The following NOTCH2 variants were observed in gnomAD, a reference collection of about 807,000 sequenced individuals.
NOTCH2 encodes the protein neurogenic locus notch homolog protein 2.
A neutral mutation model predicts 235.8 loss-of-function variants in NOTCH2; 29 were observed. That is an observed-to-expected ratio of 0.12 (90% CI 0.09 to 0.17). The LOEUF is 0.17. Among genes scored for constraint, NOTCH2 ranks in the 10% least tolerant of loss-of-function variants. The pLI is 1.00. For missense variants in NOTCH2, 2,285 were observed against 3,150.2 expected (o/e 0.73, Z 6.57); for synonymous variants, 1,086 against 1,141.5 (o/e 0.95, Z 0.98).
intron 14 of NOTCH2, among the ~76,000 whole-genome samples, chr1:119,952,975 G>A (rs1650538484): frequency 6.6e-6 from 1 of 152,052 alleles, no homozygotes. Flanking sequence ...TTAGACACTT[G>A]GCCAATGCTG....
At chr1:119,967,950 C>A in intron 7 of NOTCH2, 127 bp downstream of exon 7, 4 of 1,034,556 alleles carry the variant, frequency 3.9e-6, no homozygotes, top group Middle Eastern at 2.0e-4. Flanking sequence ...AAACACTGGC[C>A]ATGTAGCAAG....
At chr1:119,922,894 A>G in intron 26 of NOTCH2, 116 bp from the exon 27 acceptor site, 5 of 1,276,900 alleles carry the variant, frequency 3.9e-6, no homozygotes, top group Non-Finnish European at 5.6e-6. Flanking sequence ...CCCCTTCAGC[A>G]TCAGGTCCCC....
rs782728467 is a variant in NOTCH2, at chr1:119,937,860, T to C, written c.3334A>G (p.Arg1112Gly). 1.2e-6 allele frequency: 2 copies of C among 1,614,024 alleles called. No homozygotes were observed. The highest frequency in any genetic ancestry group is 2.7e-5 in the African/African-American group (2 of 74,896). The change falls in exon 20 of 34, where the codon AGA becomes GGA. Residue 1112 changes from arginine (R) to glycine (G), a missense_variant. Arg to Gly is a moderately radical substitution (Grantham distance 125). Transcript: ENST00000256646. The part of the protein sequence containing the change: ...NVSCDIAASR[R>G]GVLVEHLCQH... The stretch of plus-strand genomic sequence containing the variant: ...AGCCCAAGGGAGCAAAGCTTACCTC[T>C]CCTGGAGGCTGCTATGTCACAAGAG...
chr1:119,975,628 G>C (rs1651546106), intron 5 of NOTCH2, among the ~76,000 whole-genome samples: 1 of 134,632 alleles, frequency 7.4e-6, no homozygotes, highest in Admixed American at 8.6e-5. Flanking sequence ...CCTGGCGACA[G>C]AGCAAGACTC....
At chr1:119,972,117 GGAGGGAGGAAGGTAAGA>G (rs1478561063) in intron 5 of NOTCH2, among the ~76,000 whole-genome samples, 34 of 151,784 alleles carry the variant, frequency 2.2e-4, no homozygotes, top group African/African-American at 7.0e-4. Context: ...GGTGAGAAAG[GGAGGGAGGAAGGTAAGA>G]AAGGGAGGGA....
At chr1:120,037,261 T>C (rs2746812) in intron 1 of NOTCH2, among the ~76,000 whole-genome samples, 2,043 of 144,738 alleles carry the variant, frequency 0.014, 50 homozygotes, top group African/African-American at 0.053. Flanking sequence ...TTTTCTTCAA[T>C]GTTTATGCAA....
At position 119,919,216 on chromosome 1, in the gene NOTCH2, TGA is replaced by T. The variant is rs1649189682; in HGVS notation, c.5781+94_5781+95del. 7.6e-6 allele frequency: 10 copies of T among 1,314,158 alleles called. No homozygotes were observed. The East Asian group carries it at 2.4e-4, about 31-fold the overall frequency. 81.4% of individuals were successfully genotyped at this position (1,314,158 alleles called of 1,614,324 possible). On this transcript the variant is annotated intron_variant, in intron 31 of 33. Coordinates refer to ENST00000256646, the MANE Select transcript of NOTCH2 (RefSeq NM_024408.4). The stretch of plus-strand genomic sequence containing the variant: ...TACCTGCCCTAATCTCTCAAATGAT[TGA>T]ATAAATTCAATGAGATATTAATTCT...
At chr1:120,042,149 C>CTTCA (rs1264000606) in intron 1 of NOTCH2, among the ~76,000 whole-genome samples, 2 of 101,948 alleles carry the variant, frequency 2.0e-5, no homozygotes, top group East Asian at 4.8e-4. Flanking sequence ...CTCCACCTAG[C>CTTCA]TTCAGCCCAG....
chr1:119,963,645 G>C lies in NOTCH2; in HGVS notation c.1844C>G (p.Pro615Arg), dbSNP rs782651058. 6.2e-7 allele frequency: 1 copy of C among 1,614,154 alleles called. No individual in the cohort carries two copies. The highest frequency in any genetic ancestry group is 8.5e-7 in the Non-Finnish European group (1 of 1,180,004). Residue 615 changes from proline (P) to arginine (R), a missense_variant, in exon 11 of 34, where the codon CCT becomes CGT. By Grantham distance (103) the Pro-to-Arg change is moderately radical. Transcript: ENST00000256646. ...SDQIDECYSS[P>R]CLNDGRCIDL... ...AATGCAGCGACCATCGTTCAGGCAA[G>C]GGCTGCTGTAACATTCATCAATCTG... is the stretch of plus-strand genomic sequence containing the variant.
intron 31 of NOTCH2, 84 bp downstream of exon 31, chr1:119,919,228 A>T: frequency 7.5e-7 from 1 of 1,338,214 alleles, no homozygotes. Context: ...AATAAATTCA[A>T]TGAGATATTA....
At chr1:120,010,290 T>C (rs1653135569) in intron 2 of NOTCH2, among the ~76,000 whole-genome samples, 1 of 152,190 alleles carries the variant, frequency 6.6e-6, no homozygotes, top group Non-Finnish European at 1.5e-5. Flanking sequence ...CAGCCATCCT[T>C]GGAATAACAG....
intron 12 of NOTCH2, among the ~76,000 whole-genome samples, chr1:119,957,282 G>A (rs587687415): frequency 2.6e-5 from 4 of 152,266 alleles, no homozygotes; most frequent in South Asian, 4.1e-4. Context: ...TTTGTTAAAC[G>A]GGTATAGTAG....
Position 119,969,681 on chromosome 1 carries a change from C to A in NOTCH2, c.938G>T (p.Gly313Val). The change falls in exon 6 of 34, where the codon GGC becomes GTC. Residue 313 changes from glycine to valine, a missense_variant. Gly to Val is a moderately radical substitution (Grantham distance 109). Transcript: ENST00000256646. ...LLQPNACQNG[G>V]TCANRNGGYG... ...GCCTCCATTGCGGTTGGCACAGGTGCCCCCATTTTGACAGGCATTGGGCTG... is the reference window on the plus strand; with the variant it reads ...GCCTCCATTGCGGTTGGCACAGGTGACCCCATTTTGACAGGCATTGGGCTG... 1 of 1,614,122 alleles carries A rather than the reference C, an allele frequency of 6.2e-7. No individual in the cohort carries two copies. Among genetic ancestry groups the A allele is most frequent in the Non-Finnish European group, 8.5e-7 (1 of 1,179,988 alleles).
rs1311544609 is a variant in NOTCH2 at position 119,922,401 on chromosome 1, G to A, written c.5048C>T (p.Ala1683Val). ...PERTQLLYLL[A>V]VAVVIILFII... ...AAACAGAATGATGACAACAGCAACA[G>A]CAAGGAGATAGAGGAGCTGAGTGCG... is the stretch of plus-strand genomic sequence containing the variant. The change falls in exon 28 of 34, where the codon GCT becomes GTT. Residue 1683 changes from alanine (A) to valine (V), a missense_variant. Physicochemically the swap from Ala to Val is moderately conservative, Grantham distance 64. Around this residue, in one of 6 missense-constraint regions of NOTCH2, gnomAD observed 1,173 missense variants for 1,515.3 expected, o/e 0.77. Coordinates refer to ENST00000256646, the MANE Select transcript of NOTCH2 (RefSeq NM_024408.4). 6.2e-7 allele frequency: 1 copy of A among 1,614,032 alleles called. No individual in the cohort carries two copies. The highest frequency in any genetic ancestry group is 8.5e-7 in the Non-Finnish European group (1 of 1,179,974).
rs587701957 is a variant in NOTCH2 at position 119,912,903 on chromosome 1, A to G, written c.*2403T>C. ...ACAGCTTTCACATTCCCTTTCTCCA[A>G]ACCCAAAGGATCCAAATTAAAGTAG... On this transcript the variant is annotated 3_prime_UTR_variant, in exon 34 of 34. Transcript: ENST00000256646. 9 of 233,574 alleles carry G rather than the reference A, an allele frequency of 3.9e-5. No individual in the cohort carries two copies. The highest frequency in any genetic ancestry group is 7.6e-5 in the Non-Finnish European group (9 of 117,956). The allele number at this position is 233,574 out of a possible 1,614,324, so 14.5% of individuals were successfully genotyped here.
intron 5 of NOTCH2, among the ~76,000 whole-genome samples, chr1:119,983,938 A>AGTC (rs1651914185): frequency 1.3e-5 from 2 of 152,194 alleles, no homozygotes; most frequent in African/African-American, 4.8e-5. Context: ...AATAGCTGGC[A>AGTC]ACTTCATTTC....
intron 11 of NOTCH2, among the ~76,000 whole-genome samples, chr1:119,961,787 G>A (rs587679969): frequency 6.6e-6 from 1 of 152,186 alleles, no homozygotes; most frequent in South Asian, 2.1e-4. Flanking sequence ...TACCCAGTGA[G>A]TGACTACCAC....
Position 120,037,262 on chromosome 1 carries a change from G to T in NOTCH2, c.74-7275C>A, listed in dbSNP as rs1553212040. Among the ~76,000 whole-genome samples, 9 of 150,284 alleles carry T rather than the reference G, an allele frequency of 6.0e-5. No individual in the cohort carries two copies. The South Asian group carries it at 1.9e-3, about 31-fold the overall frequency. On this transcript the variant is annotated intron_variant, in intron 1 of 33. Transcript: ENST00000256646. The stretch of plus-strand genomic sequence containing the variant: ...AGGCTCTTTTAACTTTTTCTTCAAT[G>T]TTTATGCAAATTTCAAGTAGCAATA...
intron 5 of NOTCH2, among the ~76,000 whole-genome samples, chr1:119,977,306 T>C (rs1190860014): frequency 1.3e-5 from 2 of 152,084 alleles, no homozygotes; most frequent in Admixed American, 6.6e-5. Context: ...CACCACCAGT[T>C]CACACGCAAA....
Sources: allele counts gnomAD v4.1 joint callset (sites outside exome capture counted in the v4.1 genomes callset), GRCh38; gene constraint gnomAD v4.1.1; regional missense constraint gnomAD v4.1.1; transcripts MANE v1.5; gene names NCBI Gene and HGNC (gene_info 2026-07-23, HGNC 2026-07-21).